ADAMTS16: variants seen among roughly 807,000 people sequenced by gnomAD.
ADAMTS16 encodes the protein A disintegrin and metalloproteinase with thrombospondin motifs 16.
Under a neutral mutation model 145.8 loss-of-function variants are expected in ADAMTS16, and 94 were observed. That is an observed-to-expected ratio of 0.64 (90% CI 0.55 to 0.77). The LOEUF is 0.77. Ranked by LOEUF, ADAMTS16 falls within the 30% of genes least tolerant of loss-of-function variation. The pLI, the probability that ADAMTS16 is intolerant of heterozygous loss-of-function variation, is 0.00. For missense variants in ADAMTS16, 1,585 were observed against 1,591.5 expected, an observed-to-expected ratio of 1.00 and a Z score of 0.07; for synonymous variants, 659 against 604.3, an observed-to-expected ratio of 1.09 and a Z score of -1.33.
chr5:5,204,983 A>T (rs1736053775), intron 9 of ADAMTS16, among the ~76,000 whole-genome samples: 1 of 152,200 alleles, frequency 6.6e-6, no homozygotes, highest in African/African-American at 2.4e-5. Context: ...ATATCAATGT[A>T]TTAATTAATA....
intron 7 of ADAMTS16, among the ~76,000 whole-genome samples, chr5:5,190,881 A>G (rs11742566): frequency 2.6e-5 from 4 of 151,994 alleles, no homozygotes; most frequent in East Asian, 3.9e-4. Context: ...CCACTGCCCT[A>G]CCTCCAAAGA....
At chr5:5,270,414 C>T (rs556371827) in intron 18 of ADAMTS16, among the ~76,000 whole-genome samples, 10 of 152,284 alleles carry the variant, frequency 6.6e-5, no homozygotes, top group African/African-American at 2.4e-4. Flanking sequence ...CCTGCCTTCC[C>T]CACTTCGGGC....
At chr5:5,318,938 T>G (rs1734167300) in intron 22 of ADAMTS16, 85 bp from the exon 23 acceptor site, 5 of 1,057,212 alleles carry the variant, frequency 4.7e-6, no homozygotes, top group Non-Finnish European at 7.1e-6. Flanking sequence ...CAAATTCGCT[T>G]TTATTTGCCA....
chr5:5,294,674 A>G (rs987480508), intron 18 of ADAMTS16, among the ~76,000 whole-genome samples: 2 of 152,256 alleles, frequency 1.3e-5, no homozygotes, highest in African/African-American at 4.8e-5. Context: ...GTTAACCTGG[A>G]CTCAGCCAAC....
intron 8 of ADAMTS16, among the ~76,000 whole-genome samples, chr5:5,194,341 C>T (rs900102354): frequency 1.1e-4 from 16 of 152,104 alleles, no homozygotes; most frequent in Admixed American, 6.6e-4. Flanking sequence ...ATAGTAGTAA[C>T]GGTAATGATA....
chr5:5,190,262 T>C (rs1381733823), intron 7 of ADAMTS16, 132 bp downstream of exon 7: 1 of 935,200 alleles, frequency 1.1e-6, no homozygotes, highest in Non-Finnish European at 1.5e-6. Context: ...GTGTAAAGAC[T>C]CACTTCCCTG....
At chr5:5,276,982 C>T (rs7341133) in intron 18 of ADAMTS16, among the ~76,000 whole-genome samples, 26,658 of 152,118 alleles carry the variant, frequency 0.18, 2,443 homozygotes, top group Non-Finnish European at 0.2. Context: ...GAAAGCACTG[C>T]ACTCTGTTAA....
chr5:5,165,294 C>T (rs1734844582), intron 3 of ADAMTS16, among the ~76,000 whole-genome samples: 1 of 152,142 alleles, frequency 6.6e-6, no homozygotes, highest in South Asian at 2.1e-4. Context: ...CTTTCCATTG[C>T]TCAGCGGCGC....
chr5:5,286,721 G>T (rs372044747), intron 18 of ADAMTS16, among the ~76,000 whole-genome samples: 1 of 151,844 alleles, frequency 6.6e-6, no homozygotes, highest in Non-Finnish European at 1.5e-5. Context: ...ACCCAGGTGC[G>T]GTGGCGAGCA....
chr5:5,221,776 C>A (rs1202176172), intron 10 of ADAMTS16, among the ~76,000 whole-genome samples: 2 of 152,182 alleles, frequency 1.3e-5, no homozygotes, highest in African/African-American at 2.4e-5. Context: ...ATGCAGAAAA[C>A]CTTCCTTTAA....
intron 18 of ADAMTS16, among the ~76,000 whole-genome samples, chr5:5,280,863 C>G (rs1738876412): frequency 6.6e-6 from 1 of 152,194 alleles, no homozygotes; most frequent in African/African-American, 2.4e-5. Flanking sequence ...CCACGTTGCT[C>G]AGAACTGTTC....
At chr5:5,243,599 G>T (rs981755222) in intron 17 of ADAMTS16, among the ~76,000 whole-genome samples, 25 of 152,212 alleles carry the variant, frequency 1.6e-4, no homozygotes, top group African/African-American at 5.8e-4. Context: ...ATAAATAGTA[G>T]TTGGTTAGGA....
rs138742273 is a variant in ADAMTS16, at chr5:5,145,479, C to A, written c.176-651C>A. ...ATCAGCCATGAGGGGAAGATTTACA[C>A]CAGGGAAATTGGCAAATGCCAAAAT... On this transcript the variant is annotated intron_variant, in intron 2 of 22. Transcript: ENST00000274181. Among the ~76,000 whole-genome samples, 24 of 152,292 alleles carry A rather than the reference C, an allele frequency of 1.6e-4. 1 individual carries two copies. Among genetic ancestry groups the A allele is most frequent in the Non-Finnish European group, 2.9e-4 (20 of 68,034 alleles).
chr5:5,318,796 A>G (rs942050174), intron 22 of ADAMTS16, among the ~76,000 whole-genome samples: 1 of 152,156 alleles, frequency 6.6e-6, no homozygotes, highest in Non-Finnish European at 1.5e-5. Context: ...TGGTTGAGTG[A>G]GTGGGGTCAG....
At chr5:5,152,582 G>A (rs1227386694) in intron 3 of ADAMTS16, among the ~76,000 whole-genome samples, 5 of 152,212 alleles carry the variant, frequency 3.3e-5, no homozygotes, top group Non-Finnish European at 5.9e-5. Flanking sequence ...CAGAATAGAA[G>A]TTGGCTGGGG....
At chr5:5,246,664 G>A (rs1737452245) in intron 17 of ADAMTS16, among the ~76,000 whole-genome samples, 1 of 152,178 alleles carries the variant, frequency 6.6e-6, no homozygotes, top group African/African-American at 2.4e-5. Context: ...GCCAAAGTCG[G>A]TGTTGCTTTA....
Position 5,319,522 on chromosome 5 carries a change from C to G in ADAMTS16, c.*384C>G. 6.8e-6 allele frequency: 2 copies of G among 294,866 alleles called. No homozygotes were observed. Among genetic ancestry groups the G allele is most frequent in the South Asian group, 6.6e-5 (2 of 30,398 alleles). 18.3% of individuals were successfully genotyped at this position (294,866 alleles called of 1,614,324 possible). A position where few individuals can be genotyped will look rare whatever the true frequency, so the allele number is the denominator to read the frequency against. ...GTGCCTTAGAAAAAGAAGGAAAGGC[C>G]ATGAAATAAGGAAAACATACAAAAT... On this transcript the variant is annotated 3_prime_UTR_variant, in exon 23 of 23. Transcript: ENST00000274181.
chr5:5,186,606 T>C (rs1483928370), intron 5 of ADAMTS16, among the ~76,000 whole-genome samples: 2 of 152,214 alleles, frequency 1.3e-5, no homozygotes, highest in Non-Finnish European at 2.9e-5. Context: ...ATTAGATGTG[T>C]GATTTTAGAT....
intron 18 of ADAMTS16, among the ~76,000 whole-genome samples, chr5:5,273,083 G>A (rs993231906): frequency 1.3e-4 from 20 of 152,136 alleles, no homozygotes; most frequent in African/African-American, 4.1e-4. Flanking sequence ...GGGTGGACAC[G>A]GGACTGTGTG....
Sources: gnomAD v4.1 joint callset for allele counts (sites outside exome capture counted in the v4.1 genomes callset) on GRCh38, gnomAD v4.1.1 for gene constraint, MANE v1.5 for transcripts, NCBI Gene and HGNC (gene_info 2026-07-23, HGNC 2026-07-21) for gene names.